Variants in SERAC1 observed in about 807,000 individuals in gnomAD.
The protein encoded by SERAC1 is protein SERAC1.
In SERAC1, 36 loss-of-function variants were observed where a neutral mutation model predicts 85.7. The observed-to-expected ratio is 0.42, with a 90% CI of 0.32 to 0.55. The LOEUF (loss-of-function observed/expected upper bound fraction) is 0.55. SERAC1 is among the 20% of genes least tolerant of loss of function. The pLI, the probability that SERAC1 is intolerant of heterozygous loss-of-function variation, is 0.11. For missense variants in SERAC1, 629 were observed against 796.2 expected, an observed-to-expected ratio of 0.79 and a Z score of 2.53; for synonymous variants, 242 against 265.3, an observed-to-expected ratio of 0.91 and a Z score of 0.85.
rs1784402973 is a variant in SERAC1, at chr6:158,120,822, T to C, written c.1016-247A>G. The stretch of plus-strand genomic sequence containing the variant: ...AGGGGTTGAAGAGCCATTTTCTTTA[T>C]TTAGAAAGCCTAACACTAATACCAA... On this transcript the variant is annotated intron_variant, in intron 10 of 16. Coordinates refer to ENST00000647468, the MANE Select transcript of SERAC1 (RefSeq NM_032861.4). The surrounding 1 kb of genome is among the most constrained non-coding windows in gnomAD (Gnocchi z 4.4). Among the ~76,000 whole-genome samples the C allele has an allele frequency of 6.6e-6, 1 of 152,180 alleles. No homozygotes were observed. The highest frequency in any genetic ancestry group is 1.5e-5 in the Non-Finnish European group (1 of 68,020).
Position 158,149,314 on chromosome 6 carries a change from T to C in SERAC1, c.266-360A>G, listed in dbSNP as rs148695188. Reference sequence around the variant, plus strand: ...GCCCAAGAATGTATTCTTAACACTATGCTCCAACGTTTCAAAGAGATATGT... The same window carrying C: ...GCCCAAGAATGTATTCTTAACACTACGCTCCAACGTTTCAAAGAGATATGT... On this transcript the variant is annotated intron_variant, in intron 4 of 16. Transcript: ENST00000647468. 3.5e-3 allele frequency among the ~76,000 whole-genome samples: 535 copies of C among 152,338 alleles called. 4 individuals carry two copies. Among genetic ancestry groups the C allele is most frequent in the Non-Finnish European group, 4.1e-3 (278 of 68,032 alleles).
At chr6:158,132,876 A>G (rs117863916) in intron 8 of SERAC1, among the ~76,000 whole-genome samples, 3,933 of 152,334 alleles carry the variant, frequency 0.026, 72 homozygotes, top group Non-Finnish European at 0.039. Flanking sequence ...CTAAGATATG[A>G]CAAGACTAAA....
chr6:158,109,645 C>T lies in SERAC1; in HGVS notation c.*1721G>A, dbSNP rs1173075975. The T allele has an allele frequency of 6.6e-6, 1 of 152,078 alleles. No individual in the cohort carries two copies. The highest frequency in any genetic ancestry group is 2.4e-5 in the African/African-American group (1 of 41,390). 9.4% of individuals were successfully genotyped at this position (152,078 alleles called of 1,614,324 possible). ...TTTAAACATAGACTTACCATTTGAC[C>T]AGCAATTCCACCCAAGAGAATCAAA... On this transcript the variant is annotated 3_prime_UTR_variant, in exon 17 of 17. Coordinates refer to ENST00000647468, the MANE Select transcript of SERAC1 (RefSeq NM_032861.4).
intron 10 of SERAC1, among the ~76,000 whole-genome samples, chr6:158,127,120 A>T (rs967408585): frequency 4.6e-5 from 7 of 152,164 alleles, no homozygotes; most frequent in Non-Finnish European, 8.8e-5. Context: ...ATGATCATCT[A>T]CAATACTGAT....
chr6:158,146,639 T>C (rs945214505), intron 6 of SERAC1, 143 bp downstream of exon 6: 2 of 965,358 alleles, frequency 2.1e-6, no homozygotes, highest in African/African-American at 3.3e-5. Context: ...CTTGAACTCC[T>C]GACCTTGTGA....
rs1219406942 is a variant in SERAC1 at position 158,114,934 on chromosome 6, C to T, written c.1539G>A (p.Thr513=). ...TGATAACAGTACTCATTTCTGGCTT[C>T]GTAGAGGCTTCCAACAGCATCTTTT... ...LVKKMLLEAS[T]KPEMSTVINN... The change falls in exon 15 of 17, where the codon ACG becomes ACA. Residue 513 remains threonine (T), a synonymous_variant. Coordinates refer to ENST00000647468, the MANE Select transcript of SERAC1 (RefSeq NM_032861.4). The T allele has an allele frequency of 8.7e-6, 14 of 1,613,266 alleles. No homozygotes were observed. The highest frequency in any genetic ancestry group is 2.7e-5 in the African/African-American group (2 of 74,834).
chr6:158,115,719 C>A (rs894486583), intron 14 of SERAC1, among the ~76,000 whole-genome samples: 4 of 152,166 alleles, frequency 2.6e-5, no homozygotes, highest in Non-Finnish European at 4.4e-5. Flanking sequence ...GACACTTGAT[C>A]ACACCTGTAC....
intron 10 of SERAC1, among the ~76,000 whole-genome samples, chr6:158,127,356 C>A (rs1231669834): frequency 2.4e-5 from 2 of 81,830 alleles, no homozygotes; most frequent in Admixed American, 1.3e-4. Flanking sequence ...CCAGCCGCCC[C>A]GTCCGGGAGG....
At chr6:158,138,323 T>C (rs1784840615) in intron 8 of SERAC1, among the ~76,000 whole-genome samples, 1 of 150,748 alleles carries the variant, frequency 6.6e-6, no homozygotes, top group Non-Finnish European at 1.5e-5. Flanking sequence ...TAGTCCCAGC[T>C]AGTCGGGAGG....
intron 8 of SERAC1, 130 bp from the exon 9 acceptor site, chr6:158,130,616 T>TG: frequency 1.7e-6 from 1 of 580,698 alleles, no homozygotes; most frequent in Non-Finnish European, 3.0e-6. Flanking sequence ...CAAAATATGT[T>TG]GGAAATGTAA....
At chr6:158,131,861 G>A (rs1284367212) in intron 8 of SERAC1, among the ~76,000 whole-genome samples, 2 of 152,070 alleles carry the variant, frequency 1.3e-5, no homozygotes, top group Non-Finnish European at 2.9e-5. Flanking sequence ...AATCAATTAT[G>A]GTACAGTTGT....
At chr6:158,166,489 C>A (rs561578570) in intron 1 of SERAC1, among the ~76,000 whole-genome samples, 1 of 152,222 alleles carries the variant, frequency 6.6e-6, no homozygotes, top group Admixed American at 6.5e-5. Flanking sequence ...TGGTCCCTTG[C>A]CTTTCCATAT....
intron 8 of SERAC1, among the ~76,000 whole-genome samples, chr6:158,133,290 C>A (rs1737843307): frequency 6.7e-6 from 1 of 150,178 alleles, no homozygotes; most frequent in Non-Finnish European, 1.5e-5. Flanking sequence ...CAGAGTGAGA[C>A]CCTGTCTCAA....
In SERAC1 at chr6:158,117,691, T is replaced by C; in HGVS notation, c.1403+36A>G. ...GGACCTAAACTTGCGGCCTGAATTC[T>C]TCCCTGTCCTCCTGGTCTAAAGTCG... is the stretch of plus-strand genomic sequence containing the variant. On this transcript the variant is annotated intron_variant, in intron 13 of 16. Coordinates refer to ENST00000647468, the MANE Select transcript of SERAC1 (RefSeq NM_032861.4). The surrounding 1 kb of genome is among the most constrained non-coding windows in gnomAD (Gnocchi z 4.3). 6.2e-7 allele frequency: 1 copy of C among 1,609,078 alleles called. No homozygotes were observed. The highest frequency in any genetic ancestry group is 8.5e-7 in the Non-Finnish European group (1 of 1,175,684).
chr6:158,143,347 C>CTCTA (rs1232070072), intron 7 of SERAC1, among the ~76,000 whole-genome samples, 163 bp from the exon 8 acceptor site: 143 of 46,370 alleles, frequency 3.1e-3, no homozygotes, highest in Non-Finnish European at 4.9e-3. Context: ...CTCTCTCTCT[C>CTCTA]TATATATATA....
intron 8 of SERAC1, among the ~76,000 whole-genome samples, chr6:158,134,318 C>A (rs1208527075): frequency 6.6e-6 from 1 of 152,236 alleles, no homozygotes; most frequent in East Asian, 1.9e-4. Context: ...TAGCCCAGAA[C>A]TTGGTTACTA....
chr6:158,155,475 A>C (rs538061215), intron 2 of SERAC1, 124 bp from the exon 3 acceptor site: 3 of 592,970 alleles, frequency 5.1e-6, no homozygotes, highest in African/African-American at 3.7e-5. Context: ...TTTTTCTATT[A>C]ATATAATCAG....
At chr6:158,145,352 T>C (rs1384554037) in intron 6 of SERAC1, 1 of 152,176 alleles carries the variant, frequency 6.6e-6, no homozygotes, top group Non-Finnish European at 1.5e-5. Flanking sequence ...ACAATAAGTC[T>C]GGAATGGAGC....
At chr6:158,137,915 A>T (rs571245420) in intron 8 of SERAC1, among the ~76,000 whole-genome samples, 1 of 152,032 alleles carries the variant, frequency 6.6e-6, no homozygotes, top group South Asian at 2.1e-4. Context: ...TTTCAGAAAA[A>T]CTTTGGTTAG....
Sources: allele counts gnomAD v4.1 joint callset (sites outside exome capture counted in the v4.1 genomes callset), GRCh38; gene constraint gnomAD v4.1.1; non-coding constraint Gnocchi (gnomAD v3.1); transcripts MANE v1.5; gene names NCBI Gene and HGNC (gene_info 2026-07-23, HGNC 2026-07-21).